Variants in IMPG2 observed in about 807,000 individuals in gnomAD.
IMPG2 encodes the protein interphotoreceptor matrix proteoglycan 2, also known as IPM 200.
In IMPG2, 91 loss-of-function variants were observed where a neutral mutation model predicts 129.2. That is an observed-to-expected ratio of 0.70 (90% CI 0.59 to 0.84). The LOEUF is 0.84. Among genes scored for constraint, IMPG2 ranks in the 40% least tolerant of loss-of-function variants. The pLI, the probability that IMPG2 is intolerant of heterozygous loss-of-function variation, is 0.00. For missense variants in IMPG2, 1,430 were observed against 1,461.7 expected (o/e 0.98, Z 0.35); for synonymous variants, 510 against 517.7 (o/e 0.99, Z 0.20).
Position 101,244,406 on chromosome 3 carries a change from G to A in IMPG2, c.1925C>T (p.Ala642Val). Residue 642 changes from alanine to valine, a missense_variant, in exon 13 of 19, where the codon GCT becomes GTT. Physicochemically the swap from Ala to Val is moderately conservative, Grantham distance 64. Coordinates refer to ENST00000193391, the MANE Select transcript of IMPG2 (RefSeq NM_016247.4). The part of the protein sequence containing the change: ...WLEDDDSLLP[A>V]EIEDKKLVLV... ...AACTAGTTTCTTGTCTTCAATCTCAGCTGGCAAAAGTGAATCATCATCTTC... is the reference window on the plus strand; with the variant it reads ...AACTAGTTTCTTGTCTTCAATCTCAACTGGCAAAAGTGAATCATCATCTTC... The A allele has an allele frequency of 6.2e-7, 1 of 1,614,122 alleles. No homozygotes were observed. The highest frequency in any genetic ancestry group is 2.2e-5 in the East Asian group (1 of 44,876).
At chr3:101,249,402 G>A (rs985440385) in intron 11 of IMPG2, among the ~76,000 whole-genome samples, 20 of 151,828 alleles carry the variant, frequency 1.3e-4, no homozygotes, top group African/African-American at 4.6e-4. Flanking sequence ...CAGCAAATAA[G>A]GAATGAGAAT....
chr3:101,261,458 T>C (rs1344928994), intron 9 of IMPG2, among the ~76,000 whole-genome samples: 1 of 152,104 alleles, frequency 6.6e-6, no homozygotes, highest in Non-Finnish European at 1.5e-5. Context: ...AAGAAAGCTA[T>C]GCAAATCAAG....
At chr3:101,256,214 AAAG>A (rs1461240398) in intron 10 of IMPG2, among the ~76,000 whole-genome samples, 14 of 150,420 alleles carry the variant, frequency 9.3e-5, no homozygotes, top group African/African-American at 2.9e-4. Flanking sequence ...AGAAAGAAAG[AAAG>A]AAAAAAATAT....
chr3:101,247,097 T>C (rs200719428), intron 11 of IMPG2, among the ~76,000 whole-genome samples: 1 of 143,342 alleles, frequency 7.0e-6, no homozygotes, highest in Non-Finnish European at 1.5e-5. Flanking sequence ...CATTGTCTCT[T>C]AAAAAAAAAA....
rs184409592 is a variant in IMPG2, at chr3:101,279,784, C to T, written c.534-3071G>A. 1.8e-3 allele frequency among the ~76,000 whole-genome samples: 279 copies of T among 152,320 alleles called. 4 individuals carry two copies. Among genetic ancestry groups the T allele is most frequent in the Non-Finnish European group, 6.3e-4 (43 of 68,032 alleles). Reference sequence around the variant, plus strand: ...AGTTTACTTCAGTTGAACTAGATTTCACCTTGCTGAATTCAAAATAACATT... The same window carrying T: ...AGTTTACTTCAGTTGAACTAGATTTTACCTTGCTGAATTCAAAATAACATT... On this transcript the variant is annotated intron_variant, in intron 4 of 18. Coordinates refer to ENST00000193391, the MANE Select transcript of IMPG2 (RefSeq NM_016247.4).
At chr3:101,289,793 T>C (rs187048115) in intron 4 of IMPG2, among the ~76,000 whole-genome samples, 185 of 152,022 alleles carry the variant, frequency 1.2e-3, no homozygotes, top group African/African-American at 4.3e-3. Context: ...GAGAGACCTC[T>C]TGGCAAGCCT....
At chr3:101,260,565 T>C (rs954519131) in intron 9 of IMPG2, among the ~76,000 whole-genome samples, 3 of 152,174 alleles carry the variant, frequency 2.0e-5, no homozygotes, top group Admixed American at 6.5e-5. Flanking sequence ...GTCATTCTGA[T>C]AGACTGGCAG....
intron 1 of IMPG2, 64 bp downstream of exon 1, chr3:101,320,224 C>G: frequency 2.1e-6 from 2 of 944,344 alleles, no homozygotes; most frequent in Non-Finnish European, 1.7e-6. Flanking sequence ...TCAAATAATC[C>G]TATTTTTGAA....
chr3:101,241,798 T>G (rs111520475), intron 14 of IMPG2, among the ~76,000 whole-genome samples: 11,052 of 151,950 alleles, frequency 0.073, 553 homozygotes, highest in Non-Finnish European at 0.1. Context: ...GAGGCCGAGG[T>G]AGGTGGATCA....
rs779730196 is a variant in IMPG2 at position 101,229,618 on chromosome 3, C to T, written c.3423-28G>A. On this transcript the variant is annotated intron_variant, in intron 16 of 18. Transcript: ENST00000193391. ...AAAAGAAAGATATGATGGATTCAGG[C>T]TCTTGTTTGGATGCTCAACTATGTG... The T allele has an allele frequency of 3.8e-6, 6 of 1,593,758 alleles. No individual in the cohort carries two copies. The South Asian group carries it at 5.5e-5, about 15-fold the overall frequency.
chr3:101,253,330 C>A (rs1356387461), intron 11 of IMPG2, among the ~76,000 whole-genome samples: 1 of 152,144 alleles, frequency 6.6e-6, no homozygotes, highest in African/African-American at 2.4e-5. Flanking sequence ...AATCTACGCT[C>A]TATACCTAGT....
intron 4 of IMPG2, among the ~76,000 whole-genome samples, chr3:101,289,654 G>C (rs1706984336): frequency 6.6e-6 from 1 of 151,946 alleles, no homozygotes. Context: ...AGCCTTGCGG[G>C]TCATGTTAAT....
chr3:101,288,611 A>T (rs1015160247), intron 4 of IMPG2, among the ~76,000 whole-genome samples: 1 of 152,194 alleles, frequency 6.6e-6, no homozygotes, highest in Non-Finnish European at 1.5e-5. Context: ...CAGAAAGCCA[A>T]ATACTGCATG....
chr3:101,302,057 T>C lies in IMPG2; in HGVS notation c.501+2089A>G, dbSNP rs540187370. Reference sequence around the variant, plus strand: ...GACCGAGGTCATTCCCTACAAACACTTGGCTCGTGCTGTCCTTTCTGCCTA... The same window carrying C: ...GACCGAGGTCATTCCCTACAAACACCTGGCTCGTGCTGTCCTTTCTGCCTA... On this transcript the variant is annotated intron_variant, in intron 3 of 18. Coordinates refer to ENST00000193391, the MANE Select transcript of IMPG2 (RefSeq NM_016247.4). Among the ~76,000 whole-genome samples, 3 of 152,332 alleles carry C rather than the reference T, an allele frequency of 2.0e-5. No individual in the cohort carries two copies. In the South Asian group the frequency reaches 6.2e-4, roughly 32 times the overall value.
At chr3:101,255,649 A>C (rs1706590109) in intron 10 of IMPG2, among the ~76,000 whole-genome samples, 1 of 151,986 alleles carries the variant, frequency 6.6e-6, no homozygotes, top group Admixed American at 6.6e-5. Context: ...GATTCCTAGA[A>C]TCTTCTGCCC....
Position 101,233,597 on chromosome 3 carries a change from C to G in IMPG2, c.3023-606G>C, listed in dbSNP as rs145125311. 6.8e-3 allele frequency among the ~76,000 whole-genome samples: 1,038 copies of G among 152,186 alleles called. 4 individuals carry two copies. Among genetic ancestry groups the G allele is most frequent in the Non-Finnish European group, 0.011 (726 of 67,996 alleles). ...GGCCATTTCCAACAAAATATTTTTGCCTTCATAACTTAATTTTTCATTGAT... is the reference window on the plus strand; with the variant it reads ...GGCCATTTCCAACAAAATATTTTTGGCTTCATAACTTAATTTTTCATTGAT... On this transcript the variant is annotated intron_variant, in intron 14 of 18. Coordinates refer to ENST00000193391, the MANE Select transcript of IMPG2 (RefSeq NM_016247.4).
chr3:101,311,391 T>C (rs1707262643), intron 2 of IMPG2, among the ~76,000 whole-genome samples: 1 of 152,028 alleles, frequency 6.6e-6, no homozygotes, highest in Admixed American at 6.6e-5. Flanking sequence ...ATAAAACTGA[T>C]ATACAAAAAT....
At chr3:101,271,200 G>A (rs938571981) in intron 7 of IMPG2, among the ~76,000 whole-genome samples, 3 of 152,184 alleles carry the variant, frequency 2.0e-5, no homozygotes, top group Admixed American at 6.5e-5. Context: ...GTTAGTCTCA[G>A]CTCTGTTTCT....
chr3:101,229,320 G>GCACC, intron 17 of IMPG2, 60 bp downstream of exon 17: 3 of 519,336 alleles, frequency 5.8e-6, no homozygotes, highest in Admixed American at 3.4e-5. Flanking sequence ...ACCACCCCCT[G>GCACC]CTCCCCCACA....
Sources: gnomAD v4.1 joint callset for allele counts (sites outside exome capture counted in the v4.1 genomes callset) on GRCh38, gnomAD v4.1.1 for gene constraint, MANE v1.5 for transcripts, NCBI Gene and HGNC (gene_info 2026-07-23, HGNC 2026-07-21) for gene names.